The following WRN variants were observed in gnomAD, a reference collection of about 807,000 sequenced individuals.
WRN encodes the protein bifunctional 3'-5' exonuclease/ATP-dependent helicase WRN.
Under a neutral mutation model 180.7 loss-of-function variants are expected in WRN, and 149 were observed. The ratio of observed to expected loss-of-function variants is 0.82; its 90% CI spans 0.72 to 0.94. The LOEUF (loss-of-function observed/expected upper bound fraction) is 0.94, where lower values mean the gene tolerates loss of function less well. Ranked by LOEUF, WRN falls within the 40% of genes least tolerant of loss-of-function variation. The pLI, the probability that WRN is intolerant of heterozygous loss-of-function variation, is 0.00. For missense variants in WRN, 1,661 were observed against 1,700.1 expected (o/e 0.98, Z 0.40); for synonymous variants, 548 against 568.9 (o/e 0.96, Z 0.52).
chr8:31,159,623 C>T (rs13255355), intron 33 of WRN, among the ~76,000 whole-genome samples: 14,617 of 151,808 alleles, frequency 0.096, 765 homozygotes, highest in Non-Finnish European at 0.11. Flanking sequence ...AAATCCCTCC[C>T]CCCAAAAAAT....
At chr8:31,098,080 C>A (rs1444879115) in intron 17 of WRN, among the ~76,000 whole-genome samples, 1 of 151,958 alleles carries the variant, frequency 6.6e-6, no homozygotes, top group African/African-American at 2.4e-5. Flanking sequence ...TTAAAACCAA[C>A]AAAAGAATGA....
At chr8:31,148,365 T>C (rs576052689) in intron 30 of WRN, among the ~76,000 whole-genome samples, 2 of 152,308 alleles carry the variant, frequency 1.3e-5, no homozygotes, top group African/African-American at 4.8e-5. Flanking sequence ...ATCTGATATA[T>C]GAGTACCAAA....
chr8:31,073,773 T>C (rs1281608099), intron 7 of WRN, among the ~76,000 whole-genome samples: 3 of 151,950 alleles, frequency 2.0e-5, no homozygotes, highest in Non-Finnish European at 4.4e-5. Flanking sequence ...GTACAGGAGG[T>C]GTTTAGTTCT....
intron 18 of WRN, among the ~76,000 whole-genome samples, chr8:31,103,815 A>G (rs1800975978): frequency 6.6e-6 from 1 of 151,954 alleles, no homozygotes; most frequent in African/African-American, 2.4e-5. Flanking sequence ...GCTCGCTGCA[A>G]GCTCCGCCTC....
intron 18 of WRN, among the ~76,000 whole-genome samples, chr8:31,104,116 T>C (rs1487567098): frequency 2.0e-5 from 3 of 151,886 alleles, no homozygotes. Flanking sequence ...TGTCCAGGAG[T>C]GTATTTTTAG....
chr8:31,064,157 A>C, intron 3 of WRN, 132 bp from the exon 4 acceptor site: 1 of 918,096 alleles, frequency 1.1e-6, no homozygotes, highest in Non-Finnish European at 1.6e-6. Flanking sequence ...CTGGCTGTTC[A>C]TTGTCAGTTG....
chr8:31,097,598 G>C (rs914115771), intron 17 of WRN, among the ~76,000 whole-genome samples: 3 of 152,118 alleles, frequency 2.0e-5, no homozygotes, highest in African/African-American at 7.2e-5. Context: ...AGTATAGTGA[G>C]ACCTCATCTC....
chr8:31,092,788 A>G (rs535337421), intron 16 of WRN, among the ~76,000 whole-genome samples: 2 of 152,202 alleles, frequency 1.3e-5, no homozygotes, highest in Admixed American at 1.3e-4. Flanking sequence ...TAGGCAAGCC[A>G]CTGCTCCGAT....
chr8:31,132,620 A>C, intron 24 of WRN, 114 bp downstream of exon 24: 1 of 1,428,530 alleles, frequency 7.0e-7, no homozygotes, highest in Non-Finnish European at 9.7e-7. Flanking sequence ...GGTGACTAGG[A>C]ACTCATAGAG....
At chr8:31,079,461 T>C (rs1257452033) in intron 8 of WRN, among the ~76,000 whole-genome samples, 1 of 152,218 alleles carries the variant, frequency 6.6e-6, no homozygotes, top group Admixed American at 6.5e-5. Context: ...CTTTCACTGA[T>C]TTCTGCTTTT....
At chr8:31,108,291 A>G (rs901808751) in intron 18 of WRN, among the ~76,000 whole-genome samples, 1 of 152,204 alleles carries the variant, frequency 6.6e-6, no homozygotes, top group Admixed American at 6.5e-5. Flanking sequence ...CTGCAGGCAT[A>G]AACTGGGAAT....
intron 24 of WRN, among the ~76,000 whole-genome samples, chr8:31,134,477 A>G (rs993476051): frequency 6.6e-6 from 1 of 152,220 alleles, no homozygotes; most frequent in African/African-American, 2.4e-5. Context: ...TGCAAATTTG[A>G]TTAGAAATTA....
intron 33 of WRN, among the ~76,000 whole-genome samples, chr8:31,160,451 G>A (rs536485557): frequency 1.3e-5 from 2 of 152,292 alleles, no homozygotes; most frequent in African/African-American, 4.8e-5. Context: ...CCTAACTTCA[G>A]AAATCAAGGC....
rs144266996 is a variant in WRN, at chr8:31,132,068, C to T, written c.2826-297C>T. ...GCTATAAATATGGCAACTCTGCTTG[C>T]TCGTCCTATTATTGACATTATTCCT... is the stretch of plus-strand genomic sequence containing the variant. On this transcript the variant is annotated intron_variant, in intron 23 of 34. Coordinates refer to ENST00000298139, the MANE Select transcript of WRN (RefSeq NM_000553.6). 3.4e-3 allele frequency among the ~76,000 whole-genome samples: 516 copies of T among 150,608 alleles called. 6 individuals are homozygous for T. The highest frequency in any genetic ancestry group is 0.012 in the African/African-American group (505 of 40,828).
At chr8:31,124,866 G>A (rs564194523) in intron 22 of WRN, 42 bp from the exon 23 acceptor site, 1 of 1,558,760 alleles carries the variant, frequency 6.4e-7, no homozygotes, top group South Asian at 1.1e-5. Context: ...TAACATATAC[G>A]TTTCTGTTCT....
chr8:31,084,859 T>G (rs397781141), intron 10 of WRN, among the ~76,000 whole-genome samples: 45 of 152,310 alleles, frequency 3.0e-4, no homozygotes, highest in Middle Eastern at 3.4e-3. Flanking sequence ...GAGACACAGT[T>G]TGATATTGTT....
chr8:31,066,232 C>G (rs1277367856), intron 5 of WRN, among the ~76,000 whole-genome samples: 1 of 151,970 alleles, frequency 6.6e-6, no homozygotes, highest in Non-Finnish European at 1.5e-5. Context: ...GTCGCCCAGG[C>G]TGGAGTGCAG....
chr8:31,065,403 C>T (rs1037127263), intron 5 of WRN, among the ~76,000 whole-genome samples: 1 of 152,096 alleles, frequency 6.6e-6, no homozygotes, highest in African/African-American at 2.4e-5. Context: ...CCACCCTCCA[C>T]CTCCCACAGT....
intron 23 of WRN, among the ~76,000 whole-genome samples, chr8:31,126,792 A>G (rs1325088210): frequency 6.6e-6 from 1 of 152,164 alleles, no homozygotes; most frequent in Admixed American, 6.5e-5. Flanking sequence ...AATCAACTCA[A>G]AAGCTCATTC....
Sources: allele counts gnomAD v4.1 joint callset (sites outside exome capture counted in the v4.1 genomes callset), GRCh38; gene constraint gnomAD v4.1.1; transcripts MANE v1.5; gene names NCBI Gene and HGNC (gene_info 2026-07-23, HGNC 2026-07-21).